Variants in PRDM16 observed in about 807,000 individuals in gnomAD.
The protein encoded by PRDM16 is histone-lysine N-methyltransferase PRDM16.
A neutral mutation model predicts 110.6 loss-of-function variants in PRDM16; 23 were observed. That is an observed-to-expected ratio of 0.21 (90% CI 0.15 to 0.29). The LOEUF (loss-of-function observed/expected upper bound fraction) is 0.29, where lower values mean the gene tolerates loss of function less well. Ranked by LOEUF, PRDM16 falls within the 10% of genes least tolerant of loss-of-function variation. The probability of loss-of-function intolerance (pLI) is 1.00; values close to 1 mark genes in which losing one functional copy is unlikely to be tolerated. For missense variants in PRDM16, 1,615 were observed against 1,794.3 expected (o/e 0.90, Z 1.81); for synonymous variants, 799 against 781.8 (o/e 1.02, Z -0.37).
intron 3 of PRDM16, among the ~76,000 whole-genome samples, chr1:3,367,153 C>T (rs1428623643): frequency 6.6e-6 from 1 of 152,112 alleles, no homozygotes. Flanking sequence ...ACTGTAATTT[C>T]GGCTCCTGGG....
chr1:3,361,413 C>G (rs971122798), intron 3 of PRDM16, among the ~76,000 whole-genome samples: 6 of 152,242 alleles, frequency 3.9e-5, no homozygotes, highest in Non-Finnish European at 8.8e-5. Context: ...TCACAGCCAG[C>G]AGGCAGAACG....
rs545669976 is a variant in PRDM16, at chr1:3,404,947, C to T, written c.1032+61C>T. The T allele has an allele frequency of 2.2e-5, 35 of 1,556,898 alleles. No homozygotes were observed. In the African/African-American group the frequency reaches 3.0e-4, roughly 13 times the overall value. ...CAGCAGGAGGCTGCAGACGGGCGCC[C>T]GCCCCCGTGCTCCCTACACCCCCTG... On this transcript the variant is annotated intron_variant, in intron 7 of 16. Transcript: ENST00000270722.
rs149543130 is a variant in PRDM16 at position 3,124,690 on chromosome 1, A to G, written c.37+55394A>G. Among the ~76,000 whole-genome samples the G allele has an allele frequency of 3.3e-5, 5 of 152,290 alleles. No homozygotes were observed. In the East Asian group the frequency reaches 9.7e-4, roughly 29 times the overall value. On this transcript the variant is annotated intron_variant, in intron 1 of 16. Transcript: ENST00000270722. ...AGAATGAGGGCCGGGGGTCAGGTGT[A>G]TCTGGGCTTGCATCCCTACTCAGCC...
At chr1:3,296,929 A>C (rs1313077707) in intron 3 of PRDM16, among the ~76,000 whole-genome samples, 1 of 152,228 alleles carries the variant, frequency 6.6e-6, no homozygotes, top group Non-Finnish European at 1.5e-5. Context: ...TAACGCGCTC[A>C]GACACTCATA....
intron 3 of PRDM16, among the ~76,000 whole-genome samples, chr1:3,318,069 C>T (rs531303809): frequency 5.9e-5 from 9 of 152,272 alleles, no homozygotes; most frequent in South Asian, 4.1e-4. Context: ...CAGCGAGCCT[C>T]GCAAAGGGTT....
At chr1:3,420,393 C>A (rs774789517) in intron 12 of PRDM16, among the ~76,000 whole-genome samples, 1 of 152,226 alleles carries the variant, frequency 6.6e-6, no homozygotes, top group Non-Finnish European at 1.5e-5. Flanking sequence ...CAGTGTGAGC[C>A]CCTTTCCGGT....
At position 3,213,223 on chromosome 1, in the gene PRDM16, C is replaced by T. The variant is rs180793616; in HGVS notation, c.387+26749C>T. Reference sequence around the variant, plus strand: ...ATTAGCCAATAAACACCACCCATTCCGTGGTGAGGGGGGAAATGGAGAAGA... The same window carrying T: ...ATTAGCCAATAAACACCACCCATTCTGTGGTGAGGGGGGAAATGGAGAAGA... On this transcript the variant is annotated intron_variant, in intron 2 of 16. Coordinates refer to ENST00000270722, the MANE Select transcript of PRDM16 (RefSeq NM_022114.4). This position sits in a 1 kb window ranked among gnomAD's most constrained non-coding sequence, Gnocchi z 5.3. Among the ~76,000 whole-genome samples the T allele has an allele frequency of 5.9e-5, 9 of 152,318 alleles. No individual in the cohort carries two copies. Among genetic ancestry groups the T allele is most frequent in the Admixed American group, 3.3e-4 (5 of 15,302 alleles).
At chr1:3,266,487 A>G (rs1183550295) in intron 3 of PRDM16, among the ~76,000 whole-genome samples, 2 of 152,106 alleles carry the variant, frequency 1.3e-5, no homozygotes, top group East Asian at 3.9e-4. Flanking sequence ...CGCATTTGCA[A>G]AGCTCTTAAT....
chr1:3,411,687 G>A lies in PRDM16; in HGVS notation c.1490G>A (p.Ser497Asn), dbSNP rs1366518929. The change falls in exon 9 of 17, where the codon AGC becomes AAC. Residue 497 changes from serine to asparagine, a missense_variant. Ser to Asn is a conservative substitution (Grantham distance 46, BLOSUM62 1). Transcript: ENST00000270722. Reference sequence around the variant, plus strand: ...TTTCCCTCCAGGCCGCACCCGGGGAGCCTGCCCTTCTCCACGGCGCCTCCC... The same window carrying A: ...TTTCCCTCCAGGCCGCACCCGGGGAACCTGCCCTTCTCCACGGCGCCTCCC... ...EYFPSRPHPGSLPFSTAPPTF... is the reference protein window; with the variant it reads ...EYFPSRPHPGNLPFSTAPPTF... 3.7e-6 allele frequency: 6 copies of A among 1,610,728 alleles called. No homozygotes were observed. The highest frequency in any genetic ancestry group is 1.3e-5 in the African/African-American group (1 of 74,840).
At chr1:3,418,148 G>C in intron 11 of PRDM16, 151 bp downstream of exon 11, 2 of 704,476 alleles carry the variant, frequency 2.8e-6, no homozygotes, top group Non-Finnish European at 4.7e-6. Context: ...TTGAGGTCAT[G>C]CTTTGCAAAT....
At chr1:3,274,993 C>T (rs1346160857) in intron 3 of PRDM16, among the ~76,000 whole-genome samples, 1 of 152,204 alleles carries the variant, frequency 6.6e-6, no homozygotes, top group African/African-American at 2.4e-5. Flanking sequence ...GTTGTGAATG[C>T]TTGCCATGTA....
At chr1:3,417,269 C>T (rs577384841) in intron 10 of PRDM16, among the ~76,000 whole-genome samples, 1 of 152,354 alleles carries the variant, frequency 6.6e-6, no homozygotes, top group South Asian at 2.1e-4. Context: ...TTCCTTAGTA[C>T]TTTGCCTGCA....
intron 3 of PRDM16, among the ~76,000 whole-genome samples, chr1:3,293,617 T>A (rs914087305): frequency 3.3e-5 from 5 of 152,214 alleles, no homozygotes; most frequent in Non-Finnish European, 7.3e-5. Flanking sequence ...CAGAGGGGAA[T>A]GCGTTTGAGC....
At position 3,193,562 on chromosome 1, in the gene PRDM16, A is replaced by G. The variant is rs568394296; in HGVS notation, c.387+7088A>G. 2.0e-5 allele frequency among the ~76,000 whole-genome samples: 3 copies of G among 152,212 alleles called. No individual in the cohort carries two copies. In the South Asian group the frequency reaches 6.2e-4, roughly 32 times the overall value. ...CATGGACCTCCGCACTCTCCATCCC[A>G]TCCGGCTCTGGGGGACCCCAGGATG... On this transcript the variant is annotated intron_variant, in intron 2 of 16. Coordinates refer to ENST00000270722, the MANE Select transcript of PRDM16 (RefSeq NM_022114.4).
At chr1:3,205,528 G>A (rs976578923) in intron 2 of PRDM16, among the ~76,000 whole-genome samples, 2 of 152,212 alleles carry the variant, frequency 1.3e-5, no homozygotes, top group African/African-American at 2.4e-5. Flanking sequence ...GAGGTGGGGG[G>A]CAGGGCACAG....
At position 3,171,878 on chromosome 1, in the gene PRDM16, C is replaced by T. The variant is rs2817127; in HGVS notation, c.38-14247C>T. On this transcript the variant is annotated intron_variant, in intron 1 of 16. Coordinates refer to ENST00000270722, the MANE Select transcript of PRDM16 (RefSeq NM_022114.4). ...CTCTTGTCGCCCTGCTTGGATCAGG[C>T]GCCTCCCGAGCACAAAGTCCTGGAG... Among the ~76,000 whole-genome samples the T allele has an allele frequency of 4.4e-3, 673 of 152,006 alleles. 3 individuals carry two copies. The highest frequency in any genetic ancestry group is 0.01 in the Middle Eastern group (3 of 294).
At chr1:3,182,129 C>G (rs1253700629) in intron 1 of PRDM16, among the ~76,000 whole-genome samples, 1 of 152,260 alleles carries the variant, frequency 6.6e-6, no homozygotes, top group Non-Finnish European at 1.5e-5. Context: ...CCCAGTGGGG[C>G]CTGCAGGCCT....
intron 1 of PRDM16, among the ~76,000 whole-genome samples, chr1:3,090,443 C>T (rs768234435): frequency 1.2e-4 from 18 of 152,280 alleles, no homozygotes; most frequent in African/African-American, 1.4e-4. Context: ...TCTGAGCCTG[C>T]GCACACAGGC....
intron 3 of PRDM16, among the ~76,000 whole-genome samples, chr1:3,296,144 G>A (rs1161262281): frequency 3.9e-5 from 6 of 152,158 alleles, no homozygotes; most frequent in South Asian, 2.1e-4. Context: ...CTTACGTTCC[G>A]GAACCGTACG....
Sources: allele counts gnomAD v4.1 joint callset (sites outside exome capture counted in the v4.1 genomes callset), GRCh38; gene constraint gnomAD v4.1.1; non-coding constraint Gnocchi (gnomAD v3.1); transcripts MANE v1.5; gene names NCBI Gene and HGNC (gene_info 2026-07-23, HGNC 2026-07-21).